ERCC5: variants seen among roughly 807,000 people sequenced by gnomAD.
ERCC5 encodes ERCC excision repair 5, endonuclease, also known as DNA excision repair protein ERCC-5.
Under a neutral mutation model 105.6 loss-of-function variants are expected in ERCC5, and 68 were observed. The observed-to-expected ratio is 0.64, with a 90% CI of 0.53 to 0.79. The LOEUF (loss-of-function observed/expected upper bound fraction) is 0.79. ERCC5 is among the 30% of genes least tolerant of loss of function. The pLI, the probability that ERCC5 is intolerant of heterozygous loss-of-function variation, is 0.00. For synonymous variants in ERCC5, 546 were observed against 526.2 expected (o/e 1.04, Z -0.51); for missense variants, 1,373 against 1,426.7 (o/e 0.96, Z 0.61).
intron 5 of ERCC5, among the ~76,000 whole-genome samples, chr13:102,856,575 T>C (rs761724988): frequency 1.3e-5 from 2 of 152,256 alleles, no homozygotes; most frequent in African/African-American, 2.4e-5. Flanking sequence ...GTTCTAGTTA[T>C]CTGTCGCTGT....
intron 12 of ERCC5, 89 bp downstream of exon 12, chr13:102,868,346 C>T (rs1190447599): frequency 3.3e-6 from 5 of 1,534,388 alleles, no homozygotes; most frequent in Non-Finnish European, 4.5e-6. Context: ...AACTGTCATG[C>T]TGTAACATGT....
chr13:102,847,820 G>A (rs1882035656), intron 1 of ERCC5, among the ~76,000 whole-genome samples: 1 of 152,290 alleles, frequency 6.6e-6, no homozygotes, highest in Admixed American at 6.5e-5. Flanking sequence ...TAAAACTTCA[G>A]CAAAGATTTA....
intron 5 of ERCC5, 36 bp from the exon 6 acceptor site, chr13:102,858,239 T>A (rs745939149): frequency 6.2e-7 from 1 of 1,613,896 alleles, no homozygotes; most frequent in South Asian, 1.1e-5. Flanking sequence ...GTGTATGAAA[T>A]GTAAATTTCA....
Position 102,868,414 on chromosome 13 carries a change from G to A in ERCC5, c.2678+157G>A, listed in dbSNP as rs4772505. On this transcript the variant is annotated intron_variant, in intron 12 of 14. Transcript: ENST00000652225. Reference sequence around the variant, plus strand: ...TATTGGTTGTTTTCCATTTTCTAGAGATGATGAAATCAGAGTCAGTTCTTA... The same window carrying A: ...TATTGGTTGTTTTCCATTTTCTAGAAATGATGAAATCAGAGTCAGTTCTTA... Among the ~76,000 whole-genome samples, 152,085 of 152,390 alleles carry A rather than the reference G, an allele frequency of 1. 75,892 individuals are homozygous for A. The highest frequency in any genetic ancestry group is 1 in the Middle Eastern group (294 of 294).
chr13:102,866,614 G>A lies in ERCC5; in HGVS notation c.2320-18G>A, dbSNP rs547396798. ...GGTGCCCTTCCCTGGGCGTCACTGT[G>A]TACCCCTCACTCTGCAGGAACTCCT... On this transcript the variant is annotated intron_variant, in intron 10 of 14. Transcript: ENST00000652225. The A allele has an allele frequency of 3.0e-4, 476 of 1,612,318 alleles. 10 individuals carry two copies. The South Asian group carries it at 5.0e-3, about 17-fold the overall frequency.
At chr13:102,872,768 G>A (rs576847400) in intron 13 of ERCC5, among the ~76,000 whole-genome samples, 1 of 152,268 alleles carries the variant, frequency 6.6e-6, no homozygotes, top group Admixed American at 6.5e-5. Flanking sequence ...AATAAGCAGT[G>A]ATAAGCATTC....
intron 8 of ERCC5, chr13:102,864,876 T>A (rs572690164): frequency 2.6e-5 from 4 of 152,536 alleles, no homozygotes; most frequent in African/African-American, 9.6e-5. Context: ...TCCATGAGTT[T>A]ATACTGACAT....
intron 13 of ERCC5, 81 bp from the exon 14 acceptor site, chr13:102,873,178 A>T: frequency 3.8e-6 from 6 of 1,563,772 alleles, no homozygotes; most frequent in Middle Eastern, 3.4e-4. Flanking sequence ...GAATGGAATC[A>T]AGAATGGGTT....
At chr13:102,855,725 A>G (rs1222713080) in intron 4 of ERCC5, among the ~76,000 whole-genome samples, 5 of 152,162 alleles carry the variant, frequency 3.3e-5, no homozygotes, top group Non-Finnish European at 7.3e-5. Context: ...CCCGCTCCCT[A>G]CAACTACACT....
intron 6 of ERCC5, 39 bp downstream of exon 6, chr13:102,858,457 A>G: frequency 6.2e-7 from 1 of 1,613,832 alleles, no homozygotes. Context: ...TAGAATTAAG[A>G]ACTTCAGCAA....
rs778952549 is a variant in ERCC5 at position 102,875,755 on chromosome 13, T to C, written c.3413T>C (p.Val1138Ala). 6.2e-7 allele frequency: 1 copy of C among 1,613,940 alleles called. No individual in the cohort carries two copies. The highest frequency in any genetic ancestry group is 1.7e-5 in the Admixed American group (1 of 60,006). The change falls in exon 15 of 15, where the codon GTG becomes GCG. Residue 1138 changes from valine (V) to alanine (A), a missense_variant. Transcript: ENST00000652225. ...DSQNSVKEAPVKNGGATTSSS... is the reference protein window; with the variant it reads ...DSQNSVKEAPAKNGGATTSSS... ...CAGAACTCAGTGAAGGAAGCTCCCGTGAAGAATGGAGGTGCGACCACCAGC... is the reference window on the plus strand; with the variant it reads ...CAGAACTCAGTGAAGGAAGCTCCCGCGAAGAATGGAGGTGCGACCACCAGC...
At chr13:102,856,727 T>C (rs4150285) in intron 5 of ERCC5, among the ~76,000 whole-genome samples, 151,920 of 152,336 alleles carry the variant, frequency 1, 75,753 homozygotes, top group Middle Eastern at 1. Context: ...ATTAACGAGG[T>C]TTCCTTGCTG....
At chr13:102,852,029 A>G in intron 1 of ERCC5, 89 bp from the exon 2 acceptor site, 1 of 1,420,756 alleles carries the variant, frequency 7.0e-7, no homozygotes, top group Non-Finnish European at 9.9e-7. Context: ...TTAGTGTTCA[A>G]CGTTTGGATA....
intron 12 of ERCC5, among the ~76,000 whole-genome samples, chr13:102,870,899 G>T (rs1776091400): frequency 6.6e-6 from 1 of 152,142 alleles, no homozygotes; most frequent in Non-Finnish European, 1.5e-5. Context: ...GATTGGTGAG[G>T]ATTATGTTAG....
intron 10 of ERCC5, 104 bp from the exon 11 acceptor site, chr13:102,866,528 G>T: frequency 6.3e-7 from 1 of 1,598,882 alleles, no homozygotes; most frequent in East Asian, 2.2e-5. Flanking sequence ...CCCTAACTCT[G>T]CAGGAATGAA....
At chr13:102,857,515 A>G (rs901436272) in intron 5 of ERCC5, among the ~76,000 whole-genome samples, 3 of 152,242 alleles carry the variant, frequency 2.0e-5, no homozygotes, top group Admixed American at 6.5e-5. Flanking sequence ...ACAGACATGC[A>G]GGACATCAGG....
At chr13:102,852,789 A>G (rs1461485860) in intron 2 of ERCC5, among the ~76,000 whole-genome samples, 3 of 152,220 alleles carry the variant, frequency 2.0e-5, no homozygotes, top group Non-Finnish European at 4.4e-5. Flanking sequence ...CATGATATAG[A>G]AGAGTCAGAA....
chr13:102,849,687 G>C (rs1167773077), intron 1 of ERCC5, among the ~76,000 whole-genome samples: 1 of 152,122 alleles, frequency 6.6e-6, no homozygotes, highest in African/African-American at 2.4e-5. Flanking sequence ...CCCTGTGAAA[G>C]GGAGTGCAGT....
chr13:102,861,455 T>C (rs1329525818), intron 6 of ERCC5, 52 bp from the exon 7 acceptor site: 1 of 1,584,372 alleles, frequency 6.3e-7, no homozygotes, highest in Non-Finnish European at 8.6e-7. Context: ...TATGGTAATA[T>C]TATCTGTATT....
Sources: gnomAD v4.1 joint callset for allele counts (sites outside exome capture counted in the v4.1 genomes callset) on GRCh38, gnomAD v4.1.1 for gene constraint, MANE v1.5 for transcripts, NCBI Gene and HGNC (gene_info 2026-07-23, HGNC 2026-07-21) for gene names.